Variants in TIGD2 observed in about 807,000 individuals in gnomAD.
The protein encoded by TIGD2 is tigger transposable element derived 2.
Under a neutral mutation model 27.0 loss-of-function variants are expected in TIGD2, and 14 were observed. The observed-to-expected ratio is 0.52, with a 90% confidence interval of 0.34 to 0.81. TIGD2 has a LOEUF of 0.81. Ranked by LOEUF, TIGD2 falls within the 30% of genes least tolerant of loss-of-function variation. The pLI, the probability that TIGD2 is intolerant of heterozygous loss-of-function variation, is 0.01. For synonymous variants in TIGD2, 201 were observed against 209.0 expected, an observed-to-expected ratio of 0.96 and a Z score of 0.33; for missense variants, 590 against 617.3, an observed-to-expected ratio of 0.96 and a Z score of 0.47.
rs866669644 is a variant in TIGD2, at chr4:89,113,101, C to T, written c.127C>T (p.Arg43Cys). 4 of 1,613,862 alleles carry T rather than the reference C, an allele frequency of 2.5e-6. No homozygotes were observed. The East Asian group carries it at 6.7e-5, about 27-fold the overall frequency. ...GTACGGAATTGGTGAATCCACAGTTCGTGATATTAAAAAGAACAAAGAAAG... is the reference window on the plus strand; with the variant it reads ...GTACGGAATTGGTGAATCCACAGTTTGTGATATTAAAAAGAACAAAGAAAG... ...VVYGIGESTV[R>C]DIKKNKERII... The change falls in exon 2 of 2, where the codon CGT (arginine) becomes TGT (cysteine). Residue 43 changes from arginine (R) to cysteine (C), a missense_variant. Arg to Cys is a radical substitution (Grantham distance 180, BLOSUM62 -3). Coordinates refer to ENST00000603357, the MANE Select transcript of TIGD2 (RefSeq NM_145715.3).
In TIGD2 at chr4:89,113,948, C is replaced by G. The variant is rs776495781; in HGVS notation, c.974C>G (p.Pro325Arg). Residue 325 changes from proline to arginine, a missense_variant, in exon 2 of 2, where the codon CCA (proline) becomes CGA (arginine). Around this residue, in one of 3 missense-constraint regions of TIGD2, gnomAD observed 451 missense variants for 448.0 expected, o/e 1.01. Coordinates refer to ENST00000603357, the MANE Select transcript of TIGD2 (RefSeq NM_145715.3). Reference sequence around the variant, plus strand: ...CCAAATGTCACAAGTCTGATTCAACCAATGAGCCAGGGAGTTCTAGCCACT... The same window carrying G: ...CCAAATGTCACAAGTCTGATTCAACGAATGAGCCAGGGAGTTCTAGCCACT... ...LPPNVTSLIQ[P>R]MSQGVLATVK... 6.2e-6 allele frequency: 10 copies of G among 1,613,908 alleles called. No individual in the cohort carries two copies. The highest frequency in any genetic ancestry group is 1.1e-5 in the South Asian group (1 of 91,058).
Position 89,113,639 on chromosome 4 carries a change from A to C in TIGD2, c.665A>C (p.Lys222Thr). The C allele has an allele frequency of 1.2e-6, 2 of 1,614,174 alleles. No homozygotes were observed. Among genetic ancestry groups the C allele is most frequent in the Non-Finnish European group, 1.7e-6 (2 of 1,180,028 alleles). ...TGCGCAAATGCCACAGGTTTACACA[A>C]ACTTAATCTTTGTGTTGTGGGGAAG... ...MCCANATGLH[K>T]LNLCVVGKAK... Residue 222 changes from lysine (K) to threonine (T), a missense_variant, in exon 2 of 2, where the codon AAA (lysine) becomes ACA (threonine). Around this residue, in one of 3 missense-constraint regions of TIGD2, gnomAD observed 451 missense variants for 448.0 expected, o/e 1.01. Transcript: ENST00000603357.
chr4:89,112,963 T>A lies in TIGD2; in HGVS notation c.-12T>A. On this transcript the variant is annotated 5_prime_UTR_variant, in exon 2 of 2. Coordinates refer to ENST00000603357, the MANE Select transcript of TIGD2 (RefSeq NM_145715.3). ...TTGTTCTAGTAATCACCTAAAATAT[T>A]AGACACTTAAAATGTTGGGGAAACG... is the stretch of plus-strand genomic sequence containing the variant. 1 of 1,540,726 alleles carries A rather than the reference T, an allele frequency of 6.5e-7. No individual in the cohort carries two copies. The highest frequency in any genetic ancestry group is 8.7e-7 in the Non-Finnish European group (1 of 1,146,588).
At chr4:89,112,009 T>C (rs1036229532) in intron 1 of TIGD2, 58 bp from the exon 2 acceptor site, 1 of 152,246 alleles carries the variant, frequency 6.6e-6, no homozygotes, top group Non-Finnish European at 1.5e-5. Flanking sequence ...TAAATGTGGA[T>C]AATGCCACAG....
rs889362074 is a variant in TIGD2, at chr4:89,113,274, G to A, written c.300G>A (p.Thr100=). The A allele has an allele frequency of 3.1e-6, 5 of 1,614,090 alleles. No individual in the cohort carries two copies. In the Admixed American group the frequency reaches 5.0e-5, roughly 16 times the overall value. ...QKTDGIPVSG[T]ICAKQAKFFF... The stretch of plus-strand genomic sequence containing the variant: ...CAGATGGGATTCCAGTGTCCGGAAC[G>A]ATTTGTGCAAAACAAGCCAAGTTCT... Residue 100 remains threonine (T), a synonymous_variant, in exon 2 of 2, where the codon ACG becomes ACA. Transcript: ENST00000603357.
In TIGD2 at chr4:89,112,733, T is replaced by C; in HGVS notation, c.-242T>C. ...GCACTTCATGAAAGACCCTGAACCC[T>C]GAGGAGGAAGAAAGATAGAAGATAA... On this transcript the variant is annotated 5_prime_UTR_variant, in exon 2 of 2. The change abolishes the stop of an existing upstream ORF in the 5' untranslated region. Coordinates refer to ENST00000603357, the MANE Select transcript of TIGD2 (RefSeq NM_145715.3). 1 of 437,780 alleles carries C rather than the reference T, an allele frequency of 2.3e-6. No individual in the cohort carries two copies. Among genetic ancestry groups the C allele is most frequent in the South Asian group, 4.1e-5 (1 of 24,438 alleles). The allele number at this position is 437,780 out of a possible 1,614,324, so 27.1% of individuals were successfully genotyped here.
Position 89,114,573 on chromosome 4 carries a change from G to A in TIGD2, c.*21G>A. ...ATTAATAAGGCTCTTAAGTATTTCA[G>A]TGTATCTGCATCTTTGTGACTATCT... On this transcript the variant is annotated 3_prime_UTR_variant, in exon 2 of 2. Coordinates refer to ENST00000603357, the MANE Select transcript of TIGD2 (RefSeq NM_145715.3). 1 of 1,551,620 alleles carries A rather than the reference G, an allele frequency of 6.4e-7. No homozygotes were observed. The highest frequency in any genetic ancestry group is 8.7e-7 in the Non-Finnish European group (1 of 1,147,040).
In TIGD2 at chr4:89,113,704, A is replaced by ATG; in HGVS notation, c.730_731insTG (p.Asn244MetfsTer5). 6.2e-7 allele frequency: 1 copy of ATG among 1,614,194 alleles called. No homozygotes were observed. The highest frequency in any genetic ancestry group is 8.5e-7 in the Non-Finnish European group (1 of 1,180,032). ...AGCATTCAAAGGCACTGACCTTTCA[A>ATG]ACCTTCCTGTGACATATTACAGTCA... is the stretch of plus-strand genomic sequence containing the variant. On this transcript the variant is annotated frameshift_variant, in exon 2 of 2. Transcript: ENST00000603357. LOFTEE classifies it high-confidence loss of function.
upstream of TIGD2, chr4:89,111,264 A>G: frequency 1.0e-6 from 1 of 965,412 alleles, no homozygotes; most frequent in Non-Finnish European, 1.2e-6. Flanking sequence ...TAGGGAGAAA[A>G]GAGCCTCGTC....
In TIGD2 at chr4:89,114,338, A is replaced by C. The variant is rs1721171796; in HGVS notation, c.1364A>C (p.Lys455Thr). 1 of 1,614,106 alleles carries C rather than the reference A, an allele frequency of 6.2e-7. No individual in the cohort carries two copies. Among genetic ancestry groups the C allele is most frequent in the East Asian group, 2.2e-5 (1 of 44,874 alleles). ...TDSESAEDQT[K>T]AAEQKPSSKS... ...AGTGAAAGTGCTGAGGACCAGACCAAGGCTGCTGAGCAAAAGCCTTCCAGT... is the reference window on the plus strand; with the variant it reads ...AGTGAAAGTGCTGAGGACCAGACCACGGCTGCTGAGCAAAAGCCTTCCAGT... The change falls in exon 2 of 2, where the codon AAG (lysine) becomes ACG (threonine). Residue 455 changes from lysine to threonine, a missense_variant. By Grantham distance (78) the Lys-to-Thr change is moderately conservative. Coordinates refer to ENST00000603357, the MANE Select transcript of TIGD2 (RefSeq NM_145715.3).
Position 89,113,876 on chromosome 4 carries a change from A to C in TIGD2, c.902A>C (p.Glu301Ala). 1 of 1,614,216 alleles carries C rather than the reference A, an allele frequency of 6.2e-7. No individual in the cohort carries two copies. The highest frequency in any genetic ancestry group is 8.5e-7 in the Non-Finnish European group (1 of 1,180,038). The change falls in exon 2 of 2, where the codon GAA (glutamate) becomes GCA (alanine). Residue 301 changes from glutamate to alanine, a missense_variant. By Grantham distance (107) the Glu-to-Ala change is moderately radical. Coordinates refer to ENST00000603357, the MANE Select transcript of TIGD2 (RefSeq NM_145715.3). The part of the protein sequence containing the change: ...LDFPPARPNE[E>A]MLSSDDGRII... Reference sequence around the variant, plus strand: ...TTCCCCCCAGCACGTCCAAATGAAGAAATGTTGAGTTCAGATGATGGCAGA... The same window carrying C: ...TTCCCCCCAGCACGTCCAAATGAAGCAATGTTGAGTTCAGATGATGGCAGA...
Position 89,113,358 on chromosome 4 carries a change from A to G in TIGD2, c.384A>G (p.Arg128=). 6.2e-7 allele frequency: 1 copy of G among 1,614,184 alleles called. No homozygotes were observed. The highest frequency in any genetic ancestry group is 1.3e-5 in the African/African-American group (1 of 75,046). The part of the protein sequence containing the change: ...DFNASSGWLT[R]FKQRHGIPKA... ...ATGCATCGTCAGGCTGGCTAACTCGATTTAAGCAGCGCCATGGTATTCCAA... is the reference window on the plus strand; with the variant it reads ...ATGCATCGTCAGGCTGGCTAACTCGGTTTAAGCAGCGCCATGGTATTCCAA... Residue 128 remains arginine, a synonymous_variant, in exon 2 of 2, where the codon CGA becomes CGG. Transcript: ENST00000603357.
rs777687942 is a variant in TIGD2, at chr4:89,114,589, G to A, written c.*37G>A. 5.3e-6 allele frequency: 8 copies of A among 1,521,312 alleles called. No individual in the cohort carries two copies. The highest frequency in any genetic ancestry group is 4.4e-6 in the Non-Finnish European group (5 of 1,132,448). The allele number at this position is 1,521,312 out of a possible 1,614,324, so 94.2% of individuals were successfully genotyped here. A position where few individuals can be genotyped will look rare whatever the true frequency, so the allele number is the denominator to read the frequency against. ...AGTATTTCAGTGTATCTGCATCTTT[G>A]TGACTATCTGCAGTGAAACTTTGCT... is the stretch of plus-strand genomic sequence containing the variant. On this transcript the variant is annotated 3_prime_UTR_variant, in exon 2 of 2. Coordinates refer to ENST00000603357, the MANE Select transcript of TIGD2 (RefSeq NM_145715.3).
In TIGD2 at chr4:89,114,583, A is replaced by C. The variant is rs752725189; in HGVS notation, c.*31A>C. The stretch of plus-strand genomic sequence containing the variant: ...CTCTTAAGTATTTCAGTGTATCTGC[A>C]TCTTTGTGACTATCTGCAGTGAAAC... On this transcript the variant is annotated 3_prime_UTR_variant, in exon 2 of 2. Transcript: ENST00000603357. The C allele has an allele frequency of 1.7e-5, 26 of 1,531,850 alleles. No individual in the cohort carries two copies. The highest frequency in any genetic ancestry group is 2.3e-5 in the Non-Finnish European group (26 of 1,138,076). The allele number at this position is 1,531,850 out of a possible 1,614,324, so 94.9% of individuals were successfully genotyped here.
Position 89,113,014 on chromosome 4 carries a change from G to A in TIGD2, c.40G>A (p.Asp14Asn). The A allele has an allele frequency of 1.2e-6, 2 of 1,605,346 alleles. No homozygotes were observed. The highest frequency in any genetic ancestry group is 1.7e-6 in the Non-Finnish European group (2 of 1,176,856). Residue 14 changes from aspartate (D) to asparagine (N), a missense_variant, in exon 2 of 2, where the codon GAC becomes AAC. Coordinates refer to ENST00000603357, the MANE Select transcript of TIGD2 (RefSeq NM_145715.3). ...TAAGCGTGTGGTGTTGACAATTAAG[G>A]ACAAGCTTGACATTATTAAGAAACT... ...KRKRVVLTIK[D>N]KLDIIKKLEE...
At position 89,112,359 on chromosome 4, in the gene TIGD2, C is replaced by G. The variant is rs1334139356; in HGVS notation, c.-616C>G. The G allele has an allele frequency of 6.6e-6, 1 of 152,300 alleles. No individual in the cohort carries two copies. The highest frequency in any genetic ancestry group is 1.5e-5 in the Non-Finnish European group (1 of 68,126). 9.4% of individuals were successfully genotyped at this position (152,300 alleles called of 1,614,324 possible). On this transcript the variant is annotated 5_prime_UTR_variant, in exon 2 of 2. Coordinates refer to ENST00000603357, the MANE Select transcript of TIGD2 (RefSeq NM_145715.3). The stretch of plus-strand genomic sequence containing the variant: ...ACTTTCACCTTATTTGCACTGTTCA[C>G]TTCTGTCCGGGTCATCTTCTCTTGC...
rs951914754 is a variant in TIGD2, at chr4:89,111,543, C to T, written c.-1249C>T. The T allele has an allele frequency of 6.6e-6, 1 of 152,418 alleles. No individual in the cohort carries two copies. Among genetic ancestry groups the T allele is most frequent in the South Asian group, 2.1e-4 (1 of 4,836 alleles). The allele number at this position is 152,418 out of a possible 1,614,324, so 9.4% of individuals were successfully genotyped here. ...GCGCGCGTGCTCTCTAATCCCCCGC[C>T]TTCCGGCTCCGGCGGCGACGCTCGT... On this transcript the variant is annotated 5_prime_UTR_variant, in exon 1 of 2. Coordinates refer to ENST00000603357, the MANE Select transcript of TIGD2 (RefSeq NM_145715.3).
chr4:89,113,702 CA>C lies in TIGD2; in HGVS notation c.731del (p.Asn244ThrfsTer4). ...KPRAFKGTDL[S>X]NLPVTYYSQK... ...CGAGCATTCAAAGGCACTGACCTTT[CA>C]AACCTTCCTGTGACATATTACAGTC... On this transcript the variant is annotated frameshift_variant, in exon 2 of 2. Transcript: ENST00000603357. LOFTEE classifies it high-confidence loss of function. 1 of 1,614,176 alleles carries C rather than the reference CA, an allele frequency of 6.2e-7. No individual in the cohort carries two copies. The highest frequency in any genetic ancestry group is 8.5e-7 in the Non-Finnish European group (1 of 1,180,036).
rs1472937468 is a variant in TIGD2 at position 89,114,665 on chromosome 4, T to C, written c.*113T>C. 9.0e-7 allele frequency: 1 copy of C among 1,113,906 alleles called. No homozygotes were observed. The highest frequency in any genetic ancestry group is 2.5e-5 in the East Asian group (1 of 40,310). The allele number at this position is 1,113,906 out of a possible 1,614,324, so 69.0% of individuals were successfully genotyped here. On this transcript the variant is annotated 3_prime_UTR_variant, in exon 2 of 2. Coordinates refer to ENST00000603357, the MANE Select transcript of TIGD2 (RefSeq NM_145715.3). ...GCCAAATACATTTTATAAATGATTT[T>C]GGAATTAGATGTCAGTTTGGATTAC...
Sources: gnomAD v4.1 joint callset for allele counts on GRCh38, gnomAD v4.1.1 for gene constraint, gnomAD v4.1.1 regional missense constraint, MANE v1.5 for transcripts, NCBI Gene and HGNC (gene_info 2026-07-23, HGNC 2026-07-21) for gene names.